The following HMG20B variants were observed in gnomAD, a reference collection of about 807,000 sequenced individuals.
The protein encoded by HMG20B is SWI/SNF-related matrix-associated actin-dependent regulator of chromatin subfamily E member 1-related.
In HMG20B, 24 loss-of-function variants were observed where a neutral mutation model predicts 41.6. That is an observed-to-expected ratio of 0.58 (90% CI 0.42 to 0.81). The LOEUF is 0.81. HMG20B is among the 30% of genes least tolerant of loss of function. The pLI is 0.00. For missense variants in HMG20B, 461 were observed against 444.0 expected (o/e 1.04, Z -0.34); for synonymous variants, 251 against 186.6 (o/e 1.34, Z -2.81).
In HMG20B at chr19:3,578,649, GC is replaced by G. The variant is rs1486594938; in HGVS notation, c.*134del. On this transcript the variant is annotated 3_prime_UTR_variant, in exon 10 of 10. Transcript: ENST00000333651. ...CCCATCCTGCACCTTGGGGGCTCCA[GC>G]CCCCCTAAAATTAAATTTCTGCAGC... is the stretch of plus-strand genomic sequence containing the variant. 1.6e-6 allele frequency: 2 copies of G among 1,233,872 alleles called. No individual in the cohort carries two copies. Among genetic ancestry groups the G allele is most frequent in the Non-Finnish European group, 2.3e-6 (2 of 858,974 alleles). 76.4% of individuals were successfully genotyped at this position (1,233,872 alleles called of 1,614,324 possible).
At position 3,573,704 on chromosome 19, in the gene HMG20B, C is replaced by G; in HGVS notation, c.51C>G (p.Gly17=). 1 of 1,503,334 alleles carries G rather than the reference C, an allele frequency of 6.7e-7. No individual in the cohort carries two copies. Among genetic ancestry groups the G allele is most frequent in the South Asian group, 1.3e-5 (1 of 74,122 alleles). The allele number at this position is 1,503,334 out of a possible 1,614,324, so 93.1% of individuals were successfully genotyped here. Reference sequence around the variant, plus strand: ...TCCTTGGCTCCAGGCCGGCGGGCGGCAAGGCTCCGGGCCAGCATGGGGGCT... The same window carrying G: ...TCCTTGGCTCCAGGCCGGCGGGCGGGAAGGCTCCGGGCCAGCATGGGGGCT... The part of the protein sequence containing the change: ...QPGAAAAPAG[G]KAPGQHGGFV... Residue 17 remains glycine (G), a synonymous_variant, in exon 3 of 10, where the codon GGC becomes GGG. Coordinates refer to ENST00000333651, the MANE Select transcript of HMG20B (RefSeq NM_006339.3).
chr19:3,575,537 C>G lies in HMG20B; in HGVS notation c.352-3C>G, dbSNP rs376770787. The G allele has an allele frequency of 1.3e-6, 2 of 1,563,632 alleles. No individual in the cohort carries two copies. The highest frequency in any genetic ancestry group is 8.7e-7 in the Non-Finnish European group (1 of 1,154,698). On this transcript the variant is annotated splice_polypyrimidine_tract_variant and splice_region_variant and intron_variant, in intron 4 of 9. Coordinates refer to ENST00000333651, the MANE Select transcript of HMG20B (RefSeq NM_006339.3). ...CTTCAAGCCTTCTGGTGCTGCCCCC[C>G]AGCGGTACCTGGATGAGGCCGAGAG...
At chr19:3,578,388 TC>T in intron 9 of HMG20B, 120 bp from the exon 10 acceptor site, 2 of 1,371,080 alleles carry the variant, frequency 1.5e-6, no homozygotes, top group South Asian at 1.5e-5. Flanking sequence ...TCAACGCCTG[TC>T]CCCCAACCCT....
rs2032181003 is a variant in HMG20B at position 3,577,119 on chromosome 19, GC to G, written c.808+15del. 6.6e-7 allele frequency: 1 copy of G among 1,513,022 alleles called. No individual in the cohort carries two copies. Among genetic ancestry groups the G allele is most frequent in the Non-Finnish European group, 8.8e-7 (1 of 1,133,900 alleles). 93.7% of individuals were successfully genotyped at this position (1,513,022 alleles called of 1,614,324 possible). Reference sequence around the variant, plus strand: ...ACTGCCGGTGCCGGGTGCGGGCCACGCCCATCTCCCAGTCCCGCCCCGGTCA... The same window carrying G: ...ACTGCCGGTGCCGGGTGCGGGCCACGCCATCTCCCAGTCCCGCCCCGGTCA... On this transcript the variant is annotated intron_variant, in intron 8 of 9. Transcript: ENST00000333651.
rs1309401062 is a variant in HMG20B at position 3,578,862 on chromosome 19, C to A, written c.*341C>A. On this transcript the variant is annotated 3_prime_UTR_variant, in exon 10 of 10. Coordinates refer to ENST00000333651, the MANE Select transcript of HMG20B (RefSeq NM_006339.3). ...ACCCACCCCCAGCACACGGCAGGAC[C>A]CCCCAAATTACTCACTACGGGGGGC... The A allele has an allele frequency of 1.2e-5, 7 of 592,322 alleles. No individual in the cohort carries two copies. The Admixed American group carries it at 1.2e-4, about 10-fold the overall frequency. 36.7% of individuals were successfully genotyped at this position (592,322 alleles called of 1,614,324 possible). A position where few individuals can be genotyped will look rare whatever the true frequency, so the allele number is the denominator to read the frequency against.
chr19:3,577,695 C>T (rs1183852969), intron 8 of HMG20B, among the ~76,000 whole-genome samples: 2 of 145,320 alleles, frequency 1.4e-5, no homozygotes, highest in South Asian at 2.3e-4. Context: ...ACCCCAGCCC[C>T]CCGGTGTCAT....
Position 3,576,314 on chromosome 19 carries a change from G to A in HMG20B, c.519+7G>A. 1 of 1,595,874 alleles carries A rather than the reference G, an allele frequency of 6.3e-7. No individual in the cohort carries two copies. Among genetic ancestry groups the A allele is most frequent in the Non-Finnish European group, 8.5e-7 (1 of 1,170,448 alleles). ...TCTCCTGAATGGACACAAGGTAAGC[G>A]ACCTTCTTCCTCTCAAAGCACCTGG... On this transcript the variant is annotated splice_region_variant and intron_variant, in intron 6 of 9. Transcript: ENST00000333651.
Position 3,576,473 on chromosome 19 carries a change from C to A in HMG20B, c.520-80C>A. ...CTCCCACCGGGGTGTCCCAGGAGACCCTCCTAGGCTTGGGGCACACCCAGA... is the reference window on the plus strand; with the variant it reads ...CTCCCACCGGGGTGTCCCAGGAGACACTCCTAGGCTTGGGGCACACCCAGA... On this transcript the variant is annotated intron_variant, in intron 6 of 9. Coordinates refer to ENST00000333651, the MANE Select transcript of HMG20B (RefSeq NM_006339.3). 2 of 1,400,560 alleles carry A rather than the reference C, an allele frequency of 1.4e-6. 1 individual carries two copies. The highest frequency in any genetic ancestry group is 2.4e-5 in the South Asian group (2 of 84,578). 86.8% of individuals were successfully genotyped at this position (1,400,560 alleles called of 1,614,324 possible). A position where few individuals can be genotyped will look rare whatever the true frequency, so the allele number is the denominator to read the frequency against.
rs1158779232 is a variant in HMG20B, at chr19:3,577,046, G to A, written c.747G>A (p.Gln249=). Residue 249 remains glutamine (Q), a synonymous_variant, in exon 8 of 10, where the codon CAG becomes CAA. Coordinates refer to ENST00000333651, the MANE Select transcript of HMG20B (RefSeq NM_006339.3). ...AGGAGCGGAGGACGCTGGCGCTGCA[G>A]CAGCAGCTCCAGGCCGTGCGCCAGG... is the stretch of plus-strand genomic sequence containing the variant. ...ALEERRTLAL[Q]QQLQAVRQAL... is the part of the protein sequence containing the mutation. 83 of 1,547,928 alleles carry A rather than the reference G, an allele frequency of 5.4e-5. No individual in the cohort carries two copies. Among genetic ancestry groups the A allele is most frequent in the Non-Finnish European group, 6.9e-5 (79 of 1,147,188 alleles).
rs2032178509 is a variant in HMG20B at position 3,577,049 on chromosome 19, G to A, written c.750G>A (p.Gln250=). The A allele has an allele frequency of 1.3e-6, 2 of 1,546,268 alleles. No homozygotes were observed. Among genetic ancestry groups the A allele is most frequent in the Non-Finnish European group, 1.7e-6 (2 of 1,146,366 alleles). The change falls in exon 8 of 10, where the codon CAG becomes CAA. Residue 250 remains glutamine, a synonymous_variant. Coordinates refer to ENST00000333651, the MANE Select transcript of HMG20B (RefSeq NM_006339.3). ...LEERRTLALQ[Q]QLQAVRQALT... is the part of the protein sequence containing the mutation. ...AGCGGAGGACGCTGGCGCTGCAGCA[G>A]CAGCTCCAGGCCGTGCGCCAGGCGC...
Position 3,574,518 on chromosome 19 carries a change from C to T in HMG20B, c.283C>T (p.Leu95=), listed in dbSNP as rs2145254134. ...GCAGATCCGCACGCGCCACCCGGAT[C>T]TGCCCTTTCCCGAGATCACCAAGAT... The part of the protein sequence containing the change: ...REQIRTRHPD[L]PFPEITKMLG... Residue 95 remains leucine, a synonymous_variant, in exon 4 of 10, where the codon CTG becomes TTG. Transcript: ENST00000333651. 1 of 1,606,216 alleles carries T rather than the reference C, an allele frequency of 6.2e-7. No individual in the cohort carries two copies. The highest frequency in any genetic ancestry group is 8.5e-7 in the Non-Finnish European group (1 of 1,177,492).
chr19:3,577,198 C>A, intron 8 of HMG20B, 91 bp downstream of exon 8: 1 of 947,842 alleles, frequency 1.1e-6, no homozygotes, highest in Admixed American at 3.2e-5. Context: ...TCCCCTGTCG[C>A]CCGGCGCCGC....
At chr19:3,574,675 G>A in intron 4 of HMG20B, 89 bp downstream of exon 4, 1 of 1,196,432 alleles carries the variant, frequency 8.4e-7, no homozygotes, top group South Asian at 1.5e-5. Flanking sequence ...CACGTGCAGG[G>A]TTTTTCCTTC....
At chr19:3,575,988 C>T (rs1200367820) in intron 5 of HMG20B, 2 of 553,232 alleles carry the variant, frequency 3.6e-6, no homozygotes, top group Admixed American at 3.2e-5. Flanking sequence ...GTGGGAGGGG[C>T]CGGTGCGAGC....
chr19:3,573,451 C>G (rs542952568), intron 2 of HMG20B, 104 bp downstream of exon 2: 97 of 1,256,574 alleles, frequency 7.7e-5, no homozygotes, highest in Non-Finnish European at 9.6e-5. Context: ...TTGACTCCCC[C>G]ACCTGGGTCA....
chr19:3,573,069 T>G, intron 1 of HMG20B, 75 bp downstream of exon 1: 1 of 478,588 alleles, frequency 2.1e-6, no homozygotes, highest in Admixed American at 4.4e-5. Flanking sequence ...GCCGGGGTCT[T>G]TCCTGGCCCG....
At chr19:3,573,390 G>C (rs1292436508) in intron 2 of HMG20B, 43 bp downstream of exon 2, 1 of 1,491,888 alleles carries the variant, frequency 6.7e-7, no homozygotes, top group African/African-American at 1.4e-5. Context: ...CTACTTTCCC[G>C]GCTGCAGCCC....
At chr19:3,575,237 C>T (rs538929529) in intron 4 of HMG20B, among the ~76,000 whole-genome samples, 12 of 152,240 alleles carry the variant, frequency 7.9e-5, no homozygotes, top group South Asian at 2.1e-4. Context: ...AAGAGAGAAA[C>T]GGGTGCGGGA....
chr19:3,575,600 C>G lies in HMG20B; in HGVS notation c.412C>G (p.Gln138Glu), dbSNP rs2032140729. The G allele has an allele frequency of 6.4e-7, 1 of 1,553,892 alleles. No individual in the cohort carries two copies. Among genetic ancestry groups the G allele is most frequent in the African/African-American group, 1.4e-5 (1 of 73,112 alleles). The change falls in exon 5 of 10, where the codon CAG (glutamine) becomes GAG (glutamate). Residue 138 changes from glutamine to glutamate, a missense_variant. By Grantham distance (29) the Gln-to-Glu change is conservative. Around this residue, in one of 3 missense-constraint regions of HMG20B, gnomAD observed 308 missense variants for 283.4 expected, o/e 1.09. Coordinates refer to ENST00000333651, the MANE Select transcript of HMG20B (RefSeq NM_006339.3). The part of the protein sequence containing the change: ...QQYMKELRAY[Q>E]QSEAYKMCTE... ...GTACATGAAGGAGCTGCGGGCGTACCAGCAGTCTGAAGCCTATAAGATGTG... is the reference window on the plus strand; with the variant it reads ...GTACATGAAGGAGCTGCGGGCGTACGAGCAGTCTGAAGCCTATAAGATGTG...
Sources: gnomAD v4.1 joint callset for allele counts (sites outside exome capture counted in the v4.1 genomes callset) on GRCh38, gnomAD v4.1.1 for gene constraint, gnomAD v4.1.1 regional missense constraint, MANE v1.5 for transcripts, NCBI Gene and HGNC (gene_info 2026-07-23, HGNC 2026-07-21) for gene names.